The following HYAL1 variants were observed in gnomAD, a reference collection of about 807,000 sequenced individuals.
HYAL1 encodes hyaluronidase 1, also known as hyaluronidase-1.
In HYAL1, 21 loss-of-function variants were observed where a neutral mutation model predicts 28.8. The observed-to-expected ratio is 0.73, with a 90% CI of 0.52 to 1.05. The LOEUF (loss-of-function observed/expected upper bound fraction) is 1.05, where lower values mean the gene tolerates loss of function less well. HYAL1 is among the 50% of genes least tolerant of loss of function. The pLI is 0.00. For synonymous variants in HYAL1, 200 were observed against 230.1 expected (o/e 0.87, Z 1.18); for missense variants, 491 against 579.2 (o/e 0.85, Z 1.56).
upstream of HYAL1, among the ~76,000 whole-genome samples, chr3:50,305,688 A>G (rs1702324172): frequency 6.6e-6 from 1 of 150,562 alleles, no homozygotes; most frequent in African/African-American, 2.5e-5. Context: ...GGCGCGTGCC[A>G]CCACACCCAG....
rs970981804 is a variant in HYAL1, at chr3:50,300,858, G to C, written c.991-58C>G. 8.3e-6 allele frequency: 13 copies of C among 1,571,096 alleles called. No individual in the cohort carries two copies. The South Asian group carries it at 1.1e-4, about 14-fold the overall frequency. ...CCATGGCCATGTATGGACCCACCCAGGGCACTGAGGCACTCACCTGCTGGT... is the reference window on the plus strand; with the variant it reads ...CCATGGCCATGTATGGACCCACCCACGGCACTGAGGCACTCACCTGCTGGT... On this transcript the variant is annotated intron_variant, in intron 3 of 3. Coordinates refer to ENST00000395144, the MANE Select transcript of HYAL1 (RefSeq NM_033159.4).
In HYAL1 at chr3:50,302,543, G is replaced by C. The variant is rs782231276; in HGVS notation, c.414C>G (p.Ala138=). 2 of 1,614,184 alleles carry C rather than the reference G, an allele frequency of 1.2e-6. No individual in the cohort carries two copies. Among genetic ancestry groups the C allele is most frequent in the South Asian group, 2.2e-5 (2 of 91,086 alleles). Residue 138 remains alanine (A), a synonymous_variant, in exon 2 of 4, where the codon GCC becomes GCG. Transcript: ENST00000395144. This position sits in a 1 kb window ranked among gnomAD's most constrained non-coding sequence, Gnocchi z 5.0. ...AAATGTCCTTGGTGTCCCAGTTGAA[G>C]GCCCAGCGTGGGCGCCATGCCTCCC... The part of the protein sequence containing the change: ...IDWEAWRPRW[A]FNWDTKDIYR...
chr3:50,303,628 G>T (rs1271147808), upstream of HYAL1: 1 of 152,218 alleles, frequency 6.6e-6, no homozygotes, highest in Non-Finnish European at 1.5e-5. Context: ...CCCAGGCCAG[G>T]GGCGGGCCAA....
chr3:50,302,762 G>A lies in HYAL1; in HGVS notation c.195C>T (p.Thr65=). The A allele has an allele frequency of 6.2e-7, 1 of 1,614,010 alleles. No individual in the cohort carries two copies. Among genetic ancestry groups the A allele is most frequent in the Non-Finnish European group, 8.5e-7 (1 of 1,180,030 alleles). ...VFDVVANPGQ[T]FRGPDMTIFY... ...AAATTGTCATGTCAGGGCCGCGGAAGGTCTGCCCTGGGTTGGCTACCACAT... is the reference window on the plus strand; with the variant it reads ...AAATTGTCATGTCAGGGCCGCGGAAAGTCTGCCCTGGGTTGGCTACCACAT... Residue 65 remains threonine (T), a synonymous_variant, in exon 2 of 4, where the codon ACC becomes ACT. Coordinates refer to ENST00000395144, the MANE Select transcript of HYAL1 (RefSeq NM_033159.4). This position sits in a 1 kb window ranked among gnomAD's most constrained non-coding sequence, Gnocchi z 5.0.
In HYAL1 at chr3:50,300,443, G is replaced by A. The variant is rs1553712344; in HGVS notation, c.*40C>T. On this transcript the variant is annotated 3_prime_UTR_variant, in exon 4 of 4. Coordinates refer to ENST00000395144, the MANE Select transcript of HYAL1 (RefSeq NM_033159.4). The stretch of plus-strand genomic sequence containing the variant: ...AGGAAGCCCTGGCCAGACCCAGAGT[G>A]CATTAGGTTCTCAATATGTGCAACT... The A allele has an allele frequency of 8.1e-6, 13 of 1,599,818 alleles. No homozygotes were observed. The highest frequency in any genetic ancestry group is 6.7e-5 in the East Asian group (3 of 44,818).
chr3:50,309,700 GT>G (rs1389405891), exon 2 of HYAL1: 2 of 151,220 alleles, frequency 1.3e-5, no homozygotes, highest in Non-Finnish European at 2.9e-5. Flanking sequence ...GCCAGGAGTG[GT>G]GGCTCATGCC....
chr3:50,309,172 A>C (rs1322814621), intron 2 of HYAL1, among the ~76,000 whole-genome samples: 1 of 151,128 alleles, frequency 6.6e-6, no homozygotes, highest in Non-Finnish European at 1.5e-5. Context: ...GTGCCATAAG[A>C]ATCTGTTTTT....
intron 2 of HYAL1, chr3:50,309,617 C>T (rs782353078): frequency 6.6e-6 from 1 of 151,206 alleles, no homozygotes; most frequent in Non-Finnish European, 1.5e-5. Context: ...GGAAAACTGG[C>T]CTCACATTTT....
Position 50,302,986 on chromosome 3 carries a change from C to T in HYAL1, c.-24-6G>A, listed in dbSNP as rs188132083. 12 of 1,532,246 alleles carry T rather than the reference C, an allele frequency of 7.8e-6. 1 individual carries two copies. In the African/African-American group the frequency reaches 9.6e-5, roughly 12 times the overall value. The allele number at this position is 1,532,246 out of a possible 1,614,324, so 94.9% of individuals were successfully genotyped here. On this transcript the variant is annotated splice_region_variant and splice_polypyrimidine_tract_variant and intron_variant, in intron 1 of 3. Coordinates refer to ENST00000395144, the MANE Select transcript of HYAL1 (RefSeq NM_033159.4). This position sits in a 1 kb window ranked among gnomAD's most constrained non-coding sequence, Gnocchi z 5.0. ...CGGGACTGGTCGAGGACAACCTGGC[C>T]AGGGGAGGCAGAGCTGAGAACAGGT...
At chr3:50,311,238 C>T (rs1456890900) in intron 1 of HYAL1, among the ~76,000 whole-genome samples, 2 of 75,024 alleles carry the variant, frequency 2.7e-5, no homozygotes, top group East Asian at 7.8e-4. Context: ...GGCTGACCCC[C>T]CCAACTCCCT....
rs587609136 is a variant in HYAL1, at chr3:50,312,368, C to T, written c.-414G>A. ...CCCGGACGGGGCGACAGGGCAGAGG[C>T]GCTCCCCACATCTCAGACGATGGGT... On this transcript the variant is annotated 5_prime_UTR_variant, in exon 1 of 6. Transcript: ENST00000320295. 0.012 allele frequency: 2,154 copies of T among 178,236 alleles called. 38 individuals are homozygous for T. Among genetic ancestry groups the T allele is most frequent in the Non-Finnish European group, 0.013 (1,071 of 81,718 alleles). The allele number at this position is 178,236 out of a possible 1,614,324, so 11.0% of individuals were successfully genotyped here.
At chr3:50,307,822 G>GTTT, upstream of HYAL1, among the ~76,000 whole-genome samples, 1 of 144,010 alleles carries the variant, frequency 6.9e-6, no homozygotes, top group Non-Finnish European at 1.5e-5. Context: ...TTGAGACGGA[G>GTTT]TCTCGCTCTA....
At position 50,300,469 on chromosome 3, in the gene HYAL1, C is replaced by T; in HGVS notation, c.*14G>A. ...CATTAGGTTCTCAATATGTGCAACT[C>T]AGTGTGTGGCCAATCACCACATGCT... On this transcript the variant is annotated 3_prime_UTR_variant, in exon 4 of 4. Transcript: ENST00000395144. 1 of 1,613,930 alleles carries T rather than the reference C, an allele frequency of 6.2e-7. No individual in the cohort carries two copies. Among genetic ancestry groups the T allele is most frequent in the Non-Finnish European group, 8.5e-7 (1 of 1,179,850 alleles).
chr3:50,300,291 G>T lies in HYAL1; in HGVS notation c.*192C>A. 1 of 646,832 alleles carries T rather than the reference G, an allele frequency of 1.5e-6. No individual in the cohort carries two copies. Among genetic ancestry groups the T allele is most frequent in the Non-Finnish European group, 2.8e-6 (1 of 356,694 alleles). 40.1% of individuals were successfully genotyped at this position (646,832 alleles called of 1,614,324 possible). A position where few individuals can be genotyped will look rare whatever the true frequency, so the allele number is the denominator to read the frequency against. ...ACATGGAATGAATGGTGTCTGCTGT[G>T]GTTCTAACTCCTTATGCCACTATTC... On this transcript the variant is annotated 3_prime_UTR_variant, in exon 4 of 4. Coordinates refer to ENST00000395144, the MANE Select transcript of HYAL1 (RefSeq NM_033159.4).
intron 2 of HYAL1, 131 bp downstream of exon 2, chr3:50,301,926 G>A (rs1702176845): frequency 3.1e-6 from 3 of 972,030 alleles, no homozygotes; most frequent in Non-Finnish European, 4.9e-6. Context: ...ACTCCAGCCT[G>A]GGTGACAGAG....
chr3:50,307,468 C>T (rs1163898014), upstream of HYAL1, among the ~76,000 whole-genome samples: 2 of 150,592 alleles, frequency 1.3e-5, no homozygotes, highest in Non-Finnish European at 2.9e-5. Context: ...ATCACAAGGT[C>T]AGGAGATCAA....
upstream of HYAL1, among the ~76,000 whole-genome samples, chr3:50,307,798 CT>C (rs782024439): frequency 7.9e-3 from 1,069 of 134,992 alleles, 25 homozygotes; most frequent in African/African-American, 0.023. Context: ...AACCCAAAAA[CT>C]TTTTTTTTTT....
chr3:50,310,178 G>C (rs1460982364), intron 1 of HYAL1, among the ~76,000 whole-genome samples: 1 of 150,574 alleles, frequency 6.6e-6, no homozygotes, highest in Non-Finnish European at 1.5e-5. Context: ...ATTTTTCTTG[G>C]CTACAAGTCT....
chr3:50,309,461 CAAA>C (rs59958240), intron 2 of HYAL1, among the ~76,000 whole-genome samples: 35 of 60,882 alleles, frequency 5.7e-4, no homozygotes, highest in Admixed American at 5.9e-4. Flanking sequence ...CAGACTCCAC[CAAA>C]AAAAAAAAAA....
Sources: gnomAD v4.1 joint callset for allele counts (sites outside exome capture counted in the v4.1 genomes callset) on GRCh38, gnomAD v4.1.1 for gene constraint, Gnocchi (gnomAD v3.1) non-coding constraint, MANE v1.5 for transcripts, NCBI Gene and HGNC (gene_info 2026-07-23, HGNC 2026-07-21) for gene names.